TMC7: variants seen among roughly 807,000 people sequenced by gnomAD.
TMC7 encodes the protein transmembrane channel like 7.
In TMC7, 54 loss-of-function variants were observed where a neutral mutation model predicts 82.9. The observed-to-expected ratio is 0.65, with a 90% CI of 0.52 to 0.82. The LOEUF (loss-of-function observed/expected upper bound fraction) is 0.82. Ranked by LOEUF, TMC7 falls within the 40% of genes least tolerant of loss-of-function variation. The pLI, the probability that TMC7 is intolerant of heterozygous loss-of-function variation, is 0.00. For synonymous variants in TMC7, 350 were observed against 337.9 expected, an observed-to-expected ratio of 1.04 and a Z score of -0.39; for missense variants, 820 against 901.2, an observed-to-expected ratio of 0.91 and a Z score of 1.15.
chr16:18,983,951 G>A lies in TMC7; in HGVS notation c.-113G>A, dbSNP rs2038794707. 1 of 1,186,480 alleles carries A rather than the reference G, an allele frequency of 8.4e-7. No individual in the cohort carries two copies. Among genetic ancestry groups the A allele is most frequent in the Non-Finnish European group, 1.1e-6 (1 of 915,720 alleles). 73.5% of individuals were successfully genotyped at this position (1,186,480 alleles called of 1,614,324 possible). A position where few individuals can be genotyped will look rare whatever the true frequency, so the allele number is the denominator to read the frequency against. ...GGCGCCCCACTCCGGCTTCTGTGAT[G>A]TCAGCGCCGGAACCTGGAATCCCGG... On this transcript the variant is annotated 5_prime_UTR_variant, in exon 1 of 16. The change abolishes an upstream ATG in the 5' untranslated region. Transcript: ENST00000304381.
At chr16:18,987,976 A>G (rs1318021062) in intron 1 of TMC7, among the ~76,000 whole-genome samples, 1 of 152,124 alleles carries the variant, frequency 6.6e-6, no homozygotes, top group East Asian at 1.9e-4. Flanking sequence ...CAGCCCCTGG[A>G]GCTGCGCTTG....
Position 18,997,536 on chromosome 16 carries a change from A to C in TMC7, c.68-11636A>C, listed in dbSNP as rs1384565941. 2.6e-5 allele frequency among the ~76,000 whole-genome samples: 4 copies of C among 151,250 alleles called. No individual in the cohort carries two copies. The East Asian group carries it at 7.9e-4, about 30-fold the overall frequency. ...AGGCGCCCACCACCACACCCAGCTA[A>C]TTTTTGTATTTTTAGTAGAGACAGG... On this transcript the variant is annotated intron_variant, in intron 1 of 15. Coordinates refer to ENST00000304381, the MANE Select transcript of TMC7 (RefSeq NM_024847.4).
At chr16:19,020,101 AT>A (rs1399609860) in intron 3 of TMC7, among the ~76,000 whole-genome samples, 4 of 152,216 alleles carry the variant, frequency 2.6e-5, no homozygotes, top group African/African-American at 7.2e-5. Context: ...AAGAAAAAAA[AT>A]ATGATCATCC....
intron 7 of TMC7, 28 bp downstream of exon 7, chr16:19,035,851 G>A (rs774160430): frequency 1.6e-5 from 24 of 1,545,990 alleles, no homozygotes; most frequent in Non-Finnish European, 2.0e-5. Context: ...TGTCCGTGGT[G>A]GGGTCCTCAC....
chr16:18,992,037 A>T (rs1359306954), intron 1 of TMC7, among the ~76,000 whole-genome samples: 2 of 152,200 alleles, frequency 1.3e-5, no homozygotes, highest in Admixed American at 1.3e-4. Context: ...TGCTATCGTG[A>T]ATAGTGCCAC....
chr16:19,004,304 T>A (rs1179946709), intron 1 of TMC7, among the ~76,000 whole-genome samples: 1 of 152,130 alleles, frequency 6.6e-6, no homozygotes, highest in Non-Finnish European at 1.5e-5. Flanking sequence ...AGGTGGTGTA[T>A]GAAAAACAGG....
intron 1 of TMC7, among the ~76,000 whole-genome samples, chr16:18,987,040 C>G (rs1294001650): frequency 6.6e-6 from 1 of 152,086 alleles, no homozygotes; most frequent in African/African-American, 2.4e-5. Flanking sequence ...CTCCTGACCT[C>G]GTGATCCGCC....
intron 15 of TMC7, 124 bp downstream of exon 15, chr16:19,059,618 A>C: frequency 1.3e-6 from 2 of 1,590,052 alleles, no homozygotes; most frequent in Middle Eastern, 1.7e-4. Flanking sequence ...CACCTCCCCA[A>C]AACTCTGCCT....
At chr16:19,050,366 C>CAAA (rs71143824) in intron 12 of TMC7, among the ~76,000 whole-genome samples, 9 of 83,050 alleles carry the variant, frequency 1.1e-4, no homozygotes, top group African/African-American at 3.5e-4. Flanking sequence ...GATTCCGTCT[C>CAAA]AAAAAAAAAA....
At chr16:18,988,156 C>CTTTT (rs760359195) in intron 1 of TMC7, among the ~76,000 whole-genome samples, 7 of 128,970 alleles carry the variant, frequency 5.4e-5, no homozygotes, top group African/African-American at 1.7e-4. Flanking sequence ...TTCTCTCTTT[C>CTTTT]TTTTTTTTTT....
intron 1 of TMC7, among the ~76,000 whole-genome samples, chr16:18,988,772 G>A (rs1183098081): frequency 1.3e-5 from 2 of 152,064 alleles, no homozygotes; most frequent in South Asian, 2.1e-4. Context: ...GTAGTTGGCC[G>A]GGCACAGTGC....
At position 18,992,570 on chromosome 16, in the gene TMC7, T is replaced by C. The variant is rs562523338; in HGVS notation, c.67+8440T>C. Among the ~76,000 whole-genome samples the C allele has an allele frequency of 6.6e-5, 10 of 152,360 alleles. No homozygotes were observed. The South Asian group carries it at 1.9e-3, about 28-fold the overall frequency. On this transcript the variant is annotated intron_variant, in intron 1 of 15. Coordinates refer to ENST00000304381, the MANE Select transcript of TMC7 (RefSeq NM_024847.4). ...GTTGCCTGTTCACTCTGATGGTAGT[T>C]TCTTTTGCTGTGCAGAAGCTCTTTA...
At chr16:19,006,473 C>T (rs1222447656) in intron 1 of TMC7, among the ~76,000 whole-genome samples, 9 of 152,182 alleles carry the variant, frequency 5.9e-5, no homozygotes, top group Admixed American at 2.6e-4. Flanking sequence ...CGTGAGCCAC[C>T]GTGCCCGGCC....
chr16:18,989,469 C>A (rs931154160), intron 1 of TMC7, among the ~76,000 whole-genome samples: 1 of 150,240 alleles, frequency 6.7e-6, no homozygotes. Flanking sequence ...AACTTTTCGG[C>A]CTCTGACCTT....
intron 2 of TMC7, among the ~76,000 whole-genome samples, 164 bp from the exon 3 acceptor site, chr16:19,016,286 C>T (rs1042665153): frequency 3.3e-5 from 5 of 151,924 alleles, no homozygotes; most frequent in African/African-American, 1.2e-4. Context: ...GATGGTGTTT[C>T]ACCATGTTGG....
intron 12 of TMC7, among the ~76,000 whole-genome samples, chr16:19,049,406 A>G (rs1452018625): frequency 6.6e-6 from 1 of 152,172 alleles, no homozygotes; most frequent in African/African-American, 2.4e-5. Context: ...GACCCCTTGG[A>G]TTTGAACCCA....
chr16:19,047,156 C>T lies in TMC7; in HGVS notation c.1647C>T (p.Tyr549=), dbSNP rs142134127. The change falls in exon 12 of 16, where the codon TAC becomes TAT. Residue 549 remains tyrosine (Y), a synonymous_variant. Coordinates refer to ENST00000304381, the MANE Select transcript of TMC7 (RefSeq NM_024847.4). ...AIPDNVLGIV[Y]GQTICWIGAF... is the part of the protein sequence containing the mutation. Reference sequence around the variant, plus strand: ...CTGATAACGTCCTGGGGATAGTTTACGGGCAAACCATCTGCTGGATCGGAG... The same window carrying T: ...CTGATAACGTCCTGGGGATAGTTTATGGGCAAACCATCTGCTGGATCGGAG... 1,047 of 1,613,972 alleles carry T rather than the reference C, an allele frequency of 6.5e-4. 14 individuals are homozygous for T. The highest frequency in any genetic ancestry group is 5.3e-3 in the South Asian group (485 of 91,070).
At chr16:19,041,621 C>T (rs1961019278) in intron 9 of TMC7, among the ~76,000 whole-genome samples, 1 of 152,194 alleles carries the variant, frequency 6.6e-6, no homozygotes, top group East Asian at 1.9e-4. Flanking sequence ...ATCCACCCAC[C>T]TTAGCCTCCC....
rs201669442 is a variant in TMC7 at position 19,040,280 on chromosome 16, T to A, written c.1180-9T>A. ...TACTCCTGACTAATAAGTTTTGTTA[T>A]CCTCCTAGGAAATCGACAAGATGGT... On this transcript the variant is annotated splice_polypyrimidine_tract_variant and intron_variant, in intron 8 of 15. Transcript: ENST00000304381. 59 of 1,611,200 alleles carry A rather than the reference T, an allele frequency of 3.7e-5. No homozygotes were observed. The Middle Eastern group carries it at 1.4e-3, about 38-fold the overall frequency.
Sources: allele counts gnomAD v4.1 joint callset (sites outside exome capture counted in the v4.1 genomes callset), GRCh38; gene constraint gnomAD v4.1.1; transcripts MANE v1.5; gene names NCBI Gene and HGNC (gene_info 2026-07-23, HGNC 2026-07-21).